Variants in SYK observed in about 807,000 individuals in gnomAD.
SYK encodes the protein tyrosine-protein kinase SYK.
A neutral mutation model predicts 77.8 loss-of-function variants in SYK; 16 were observed. The ratio of observed to expected loss-of-function variants is 0.21; its 90% confidence interval spans 0.14 to 0.31. The LOEUF is 0.31. Among genes scored for constraint, SYK ranks in the 10% least tolerant of loss-of-function variants. The pLI, the probability that SYK is intolerant of heterozygous loss-of-function variation, is 1.00. For missense variants in SYK, 529 were observed against 814.4 expected (o/e 0.65, Z 4.26); for synonymous variants, 312 against 308.7 (o/e 1.01, Z -0.11).
intron 1 of SYK, among the ~76,000 whole-genome samples, chr9:90,803,212 A>G (rs1005621792): frequency 6.6e-6 from 1 of 152,166 alleles, no homozygotes; most frequent in Non-Finnish European, 1.5e-5. Flanking sequence ...TAAAACAGAA[A>G]TTGATTTGTA....
intron 13 of SYK, among the ~76,000 whole-genome samples, chr9:90,888,988 A>G (rs1424743384): frequency 1.3e-5 from 2 of 152,100 alleles, no homozygotes; most frequent in Non-Finnish European, 2.9e-5. Flanking sequence ...TCGGTAGGGG[A>G]TGGTATACTT....
chr9:90,847,255 T>C (rs544522383), intron 3 of SYK, among the ~76,000 whole-genome samples: 35 of 152,338 alleles, frequency 2.3e-4, no homozygotes, highest in Admixed American at 9.8e-4. Context: ...CTGAGGCTTA[T>C]GGTTTATGCA....
At position 90,888,646 on chromosome 9, in the gene SYK, C is replaced by A. The variant is rs762152576; in HGVS notation, c.1835+19C>A. On this transcript the variant is annotated intron_variant, in intron 13 of 13. Coordinates refer to ENST00000375754, the MANE Select transcript of SYK (RefSeq NM_003177.7). ...CATACGAGTGAGTACCTGACACTGA[C>A]TGTGATGTATTCAGATGCTCTGGAA... 4 of 1,535,416 alleles carry A rather than the reference C, an allele frequency of 2.6e-6. No individual in the cohort carries two copies. The highest frequency in any genetic ancestry group is 3.5e-6 in the Non-Finnish European group (4 of 1,130,560).
At chr9:90,815,624 C>T (rs1026799931) in intron 1 of SYK, among the ~76,000 whole-genome samples, 2 of 152,248 alleles carry the variant, frequency 1.3e-5, no homozygotes, top group Non-Finnish European at 2.9e-5. Context: ...GCAAAAGGCG[C>T]GATCAAGATT....
intron 7 of SYK, among the ~76,000 whole-genome samples, chr9:90,870,170 T>C: frequency 6.6e-6 from 1 of 152,314 alleles, no homozygotes; most frequent in Admixed American, 6.5e-5. Context: ...AAAATTAACT[T>C]AAGAATACAA....
At chr9:90,855,682 GT>G (rs1242952768) in intron 3 of SYK, among the ~76,000 whole-genome samples, 4 of 151,874 alleles carry the variant, frequency 2.6e-5, no homozygotes, top group African/African-American at 9.7e-5. Flanking sequence ...GTGTGTGTGT[GT>G]GTGTGGGTGT....
intron 11 of SYK, among the ~76,000 whole-genome samples, chr9:90,883,417 C>T (rs1828233047): frequency 6.6e-6 from 1 of 152,214 alleles, no homozygotes; most frequent in African/African-American, 2.4e-5. Context: ...AGGCCAGGCA[C>T]TTTCACATGC....
chr9:90,820,473 G>T (rs898596684), intron 1 of SYK, among the ~76,000 whole-genome samples: 1 of 152,182 alleles, frequency 6.6e-6, no homozygotes, highest in Non-Finnish European at 1.5e-5. Context: ...CTGTGCACTC[G>T]CAGGCTCAAC....
At chr9:90,830,490 C>T (rs562183587) in intron 1 of SYK, among the ~76,000 whole-genome samples, 4 of 152,208 alleles carry the variant, frequency 2.6e-5, no homozygotes, top group Admixed American at 2.0e-4. Context: ...CCCATCACAT[C>T]ACCTCTTCCT....
intron 1 of SYK, among the ~76,000 whole-genome samples, chr9:90,804,423 C>T (rs1824736562): frequency 6.6e-6 from 1 of 152,204 alleles, no homozygotes; most frequent in South Asian, 2.1e-4. Context: ...TTGCAACCAG[C>T]TGGGTTTGTG....
intron 3 of SYK, among the ~76,000 whole-genome samples, chr9:90,855,007 T>TACAC (rs769425530): frequency 0.05 from 2,093 of 42,050 alleles, 47 homozygotes; most frequent in African/African-American, 0.15. Flanking sequence ...CACACACACA[T>TACAC]ACATACACAC....
chr9:90,833,655 T>C (rs2084936876), intron 1 of SYK, among the ~76,000 whole-genome samples: 1 of 152,208 alleles, frequency 6.6e-6, no homozygotes, highest in Admixed American at 6.5e-5. Flanking sequence ...ATCTGAAACA[T>C]TGTACTTATG....
chr9:90,897,214 C>G lies in SYK; in HGVS notation c.*1614C>G, dbSNP rs189146244. The G allele has an allele frequency of 1.6e-4, 36 of 230,902 alleles. No homozygotes were observed. The East Asian group carries it at 2.0e-3, about 13-fold the overall frequency. 14.3% of individuals were successfully genotyped at this position (230,902 alleles called of 1,614,324 possible). ...AGGCATGGAGAAAGACAATCAGTACCCAAGCTCAGCCACAGAAGACAGGAG... is the reference window on the plus strand; with the variant it reads ...AGGCATGGAGAAAGACAATCAGTACGCAAGCTCAGCCACAGAAGACAGGAG... On this transcript the variant is annotated 3_prime_UTR_variant, in exon 14 of 14. Transcript: ENST00000375754.
chr9:90,874,226 G>A lies in SYK; in HGVS notation c.938G>A (p.Arg313Gln), dbSNP rs201840933. Residue 313 changes from arginine (R) to glutamine (Q), a missense_variant, in exon 8 of 14, where the codon CGG becomes CAG. Physicochemically the swap from Arg to Gln is conservative, Grantham distance 43. Around this residue, in one of 2 missense-constraint regions of SYK, gnomAD observed 321 missense variants for 433.1 expected, o/e 0.74. Coordinates refer to ENST00000375754, the MANE Select transcript of SYK (RefSeq NM_003177.7). ...TAGTCCTCCCCTGCCCAAGGGAACC[G>A]GCAAGAGAGTACTGTGTCATTCAAT... Reference protein sequence around the residue: ...HRKSSPAQGNRQESTVSFNPY... With the variant: ...HRKSSPAQGNQQESTVSFNPY... 134 of 1,614,142 alleles carry A rather than the reference G, an allele frequency of 8.3e-5. 1 individual carries two copies. In the South Asian group the frequency reaches 1.1e-3, roughly 14 times the overall value.
chr9:90,840,409 A>C (rs570789521), intron 1 of SYK, among the ~76,000 whole-genome samples: 2 of 152,120 alleles, frequency 1.3e-5, no homozygotes, highest in Non-Finnish European at 2.9e-5. Context: ...GGAGTGGGGG[A>C]AAAGCAGGCT....
chr9:90,842,754 A>G lies in SYK; in HGVS notation c.-41-1104A>G, dbSNP rs1425765460. On this transcript the variant is annotated intron_variant, in intron 1 of 13. Coordinates refer to ENST00000375754, the MANE Select transcript of SYK (RefSeq NM_003177.7). ...TGCATGTAGTGTGCATGTGGTATGGAGAGAGTGTGTGTGTGTGTGTGTGTG... is the reference window on the plus strand; with the variant it reads ...TGCATGTAGTGTGCATGTGGTATGGGGAGAGTGTGTGTGTGTGTGTGTGTG... Among the ~76,000 whole-genome samples, 6 of 63,800 alleles carry G rather than the reference A, an allele frequency of 9.4e-5. No individual in the cohort carries two copies. The East Asian group carries it at 1.8e-3, about 19-fold the overall frequency. The allele number at this position is 63,800 out of a possible 152,430, so 41.9% of individuals were successfully genotyped here.
intron 1 of SYK, among the ~76,000 whole-genome samples, chr9:90,815,202 C>CA (rs1414120906): frequency 6.6e-6 from 1 of 151,996 alleles, no homozygotes; most frequent in Non-Finnish European, 1.5e-5. Flanking sequence ...GAAGGCAAAA[C>CA]AAAAAAATAA....
intron 11 of SYK, among the ~76,000 whole-genome samples, chr9:90,880,055 G>GCTA (rs1296860762): frequency 1.3e-5 from 2 of 152,252 alleles, no homozygotes; most frequent in Non-Finnish European, 2.9e-5. Context: ...AACCCTGCTA[G>GCTA]TCTCTGGTGA....
At chr9:90,882,777 G>A (rs988469116) in intron 11 of SYK, among the ~76,000 whole-genome samples, 3 of 152,132 alleles carry the variant, frequency 2.0e-5, no homozygotes, top group Admixed American at 6.5e-5. Flanking sequence ...ACCAAGGAGC[G>A]ACAGGAAGCA....
Sources: gnomAD v4.1 joint callset for allele counts (sites outside exome capture counted in the v4.1 genomes callset) on GRCh38, gnomAD v4.1.1 for gene constraint, gnomAD v4.1.1 regional missense constraint, MANE v1.5 for transcripts, NCBI Gene and HGNC (gene_info 2026-07-23, HGNC 2026-07-21) for gene names.